Variants in DOK6 observed in about 807,000 individuals in gnomAD.
The protein encoded by DOK6 is docking protein 6, also known as downstream of tyrosine kinase 6.
A neutral mutation model predicts 44.0 loss-of-function variants in DOK6; 22 were observed. The ratio of observed to expected loss-of-function variants is 0.50; its 90% CI spans 0.36 to 0.71. The LOEUF is 0.71. Ranked by LOEUF, DOK6 falls within the 30% of genes least tolerant of loss-of-function variation. The probability of loss-of-function intolerance (pLI) is 0.00; values close to 1 mark genes in which losing one functional copy is unlikely to be tolerated. For missense variants in DOK6, 340 were observed against 416.4 expected, an observed-to-expected ratio of 0.82 and a Z score of 1.60; for synonymous variants, 166 against 145.5, an observed-to-expected ratio of 1.14 and a Z score of -1.01.
chr18:69,646,392 G>GTTA (rs954566573), intron 3 of DOK6, among the ~76,000 whole-genome samples: 2 of 152,142 alleles, frequency 1.3e-5, no homozygotes, highest in African/African-American at 4.8e-5. Context: ...TGAGTATGAT[G>GTTA]TTACAGTTTG....
At chr18:69,512,984 A>C (rs1323087166) in intron 1 of DOK6, among the ~76,000 whole-genome samples, 2 of 152,186 alleles carry the variant, frequency 1.3e-5, no homozygotes, top group Non-Finnish European at 2.9e-5. Context: ...ATGTTAGCTA[A>C]ATTTTTAACT....
Position 69,845,299 on chromosome 18 carries a change from A to C in DOK6, c.*3916A>C, listed in dbSNP as rs1982322346. ...TTAAGGCTTTAACAATTCGTGTTTTAAAATATTATATTGAAGACTGCACAA... is the reference window on the plus strand; with the variant it reads ...TTAAGGCTTTAACAATTCGTGTTTTCAAATATTATATTGAAGACTGCACAA... On this transcript the variant is annotated 3_prime_UTR_variant, in exon 8 of 8. Transcript: ENST00000382713. 1 of 152,230 alleles carries C rather than the reference A, an allele frequency of 6.6e-6. No individual in the cohort carries two copies. The highest frequency in any genetic ancestry group is 1.5e-5 in the Non-Finnish European group (1 of 68,032). 9.4% of individuals were successfully genotyped at this position (152,230 alleles called of 1,614,324 possible). A position where few individuals can be genotyped will look rare whatever the true frequency, so the allele number is the denominator to read the frequency against.
chr18:69,766,958 G>T (rs1568120494), intron 7 of DOK6, among the ~76,000 whole-genome samples: 4 of 152,176 alleles, frequency 2.6e-5, no homozygotes, highest in Admixed American at 2.6e-4. Context: ...CAGGTGTGGT[G>T]GCTCACTCCT....
chr18:69,838,662 T>G (rs371182620), intron 7 of DOK6, among the ~76,000 whole-genome samples: 4 of 152,018 alleles, frequency 2.6e-5, no homozygotes, highest in East Asian at 3.8e-4. Context: ...TCCCTTAAGA[T>G]GGGTTACAAG....
chr18:69,804,246 C>T (rs17081653), intron 7 of DOK6, among the ~76,000 whole-genome samples: 78 of 151,996 alleles, frequency 5.1e-4, no homozygotes, highest in African/African-American at 1.7e-3. Context: ...ACTGAGACAA[C>T]GAAAAAACAA....
At chr18:69,587,044 A>C (rs1983519080) in intron 2 of DOK6, among the ~76,000 whole-genome samples, 1 of 152,072 alleles carries the variant, frequency 6.6e-6, no homozygotes, top group African/African-American at 2.4e-5. Flanking sequence ...CTATATAGAA[A>C]ATTTTCGTGG....
At chr18:69,402,761 C>T (rs780076765) in intron 1 of DOK6, among the ~76,000 whole-genome samples, 1 of 152,182 alleles carries the variant, frequency 6.6e-6, no homozygotes, top group African/African-American at 2.4e-5. Flanking sequence ...CGTGCGCTGC[C>T]GTGAGCCCCA....
intron 3 of DOK6, among the ~76,000 whole-genome samples, chr18:69,670,172 G>A (rs535457459): frequency 4.8e-4 from 73 of 151,884 alleles, no homozygotes; most frequent in Non-Finnish European, 1.0e-3. Context: ...TGTTGGTGTC[G>A]TTTGGCCAAA....
At chr18:69,626,919 G>C (rs1461327202) in intron 3 of DOK6, among the ~76,000 whole-genome samples, 3 of 152,164 alleles carry the variant, frequency 2.0e-5, no homozygotes, top group Non-Finnish European at 4.4e-5. Flanking sequence ...GGAAGGGATG[G>C]GGCCTCTGTG....
chr18:69,709,624 T>C (rs1048904820), intron 5 of DOK6, among the ~76,000 whole-genome samples: 6 of 152,178 alleles, frequency 3.9e-5, no homozygotes, highest in Non-Finnish European at 5.9e-5. Flanking sequence ...TCATATTATA[T>C]GTACTTGATC....
intron 7 of DOK6, among the ~76,000 whole-genome samples, chr18:69,778,243 T>C (rs1010566802): frequency 1.3e-5 from 2 of 152,112 alleles, no homozygotes; most frequent in African/African-American, 2.4e-5. Context: ...GTATATAAAG[T>C]CTTTCCTGAA....
intron 1 of DOK6, among the ~76,000 whole-genome samples, chr18:69,446,766 G>A (rs1958652353): frequency 6.6e-6 from 1 of 152,108 alleles, no homozygotes; most frequent in Non-Finnish European, 1.5e-5. Flanking sequence ...GTTTGAGATG[G>A]TATCTCATTG....
intron 1 of DOK6, among the ~76,000 whole-genome samples, chr18:69,481,362 A>C (rs1186831398): frequency 6.6e-6 from 1 of 151,736 alleles, no homozygotes; most frequent in Non-Finnish European, 1.5e-5. Context: ...TCCTAATGCT[A>C]TCCCTACCCC....
chr18:69,559,584 C>T (rs898793655), intron 1 of DOK6, among the ~76,000 whole-genome samples: 10 of 152,126 alleles, frequency 6.6e-5, no homozygotes, highest in African/African-American at 2.4e-4. Context: ...AATATTATTA[C>T]TCTGACAACT....
At chr18:69,691,422 A>G (rs896180708) in intron 4 of DOK6, among the ~76,000 whole-genome samples, 2 of 131,798 alleles carry the variant, frequency 1.5e-5, no homozygotes, top group Non-Finnish European at 3.3e-5. Context: ...CAAGAGAACT[A>G]CTTGTAGAAT....
intron 7 of DOK6, among the ~76,000 whole-genome samples, chr18:69,814,012 G>C (rs1462297317): frequency 2.6e-5 from 4 of 152,046 alleles, no homozygotes; most frequent in Non-Finnish European, 4.4e-5. Flanking sequence ...CTGCCACCAA[G>C]AGGATGTAGT....
intron 1 of DOK6, among the ~76,000 whole-genome samples, chr18:69,446,735 T>C (rs1441056577): frequency 6.6e-6 from 1 of 152,222 alleles, no homozygotes; most frequent in East Asian, 1.9e-4. Flanking sequence ...CCTGACTTTT[T>C]AGTGATCACC....
rs191922783 is a variant in DOK6 at position 69,803,751 on chromosome 18, C to T, written c.857-37493C>T. ...GTGGACGCCTGTAGTCCCAGCTACT[C>T]GGGAGGCTGAGGCAGAAGAATCACT... On this transcript the variant is annotated intron_variant, in intron 7 of 7. Transcript: ENST00000382713. 3.3e-5 allele frequency among the ~76,000 whole-genome samples: 5 copies of T among 151,960 alleles called. No homozygotes were observed. The South Asian group carries it at 6.2e-4, about 19-fold the overall frequency.
chr18:69,580,868 T>C (rs144392754), intron 2 of DOK6, among the ~76,000 whole-genome samples: 9 of 152,142 alleles, frequency 5.9e-5, no homozygotes, highest in Admixed American at 5.2e-4. Context: ...ATAACCACAA[T>C]TCTACTCTTC....
Sources: allele counts gnomAD v4.1 joint callset (sites outside exome capture counted in the v4.1 genomes callset), GRCh38; gene constraint gnomAD v4.1.1; transcripts MANE v1.5; gene names NCBI Gene and HGNC (gene_info 2026-07-23, HGNC 2026-07-21).